The following PAPPA2 variants were observed in gnomAD, a reference collection of about 807,000 sequenced individuals.
PAPPA2 encodes pappalysin-2.
In PAPPA2, 86 loss-of-function variants were observed where a neutral mutation model predicts 176.4. The ratio of observed to expected loss-of-function variants is 0.49; its 90% CI spans 0.41 to 0.58. The LOEUF (loss-of-function observed/expected upper bound fraction) is 0.58, where lower values mean the gene tolerates loss of function less well. Ranked by LOEUF, PAPPA2 falls within the 20% of genes least tolerant of loss-of-function variation. The pLI, the probability that PAPPA2 is intolerant of heterozygous loss-of-function variation, is 0.00. For synonymous variants in PAPPA2, 809 were observed against 852.2 expected, an observed-to-expected ratio of 0.95 and a Z score of 0.88; for missense variants, 2,073 against 2,256.9, an observed-to-expected ratio of 0.92 and a Z score of 1.65.
chr1:176,703,459 C>A (rs1660750465), intron 9 of PAPPA2, among the ~76,000 whole-genome samples: 1 of 152,166 alleles, frequency 6.6e-6, no homozygotes, highest in African/African-American at 2.4e-5. Context: ...CTACATCAAC[C>A]TAACTTTAAT....
intron 2 of PAPPA2, among the ~76,000 whole-genome samples, chr1:176,558,637 T>A (rs1042045359): frequency 4.6e-5 from 7 of 151,962 alleles, no homozygotes; most frequent in African/African-American, 1.4e-4. Flanking sequence ...AGAGAAAGAG[T>A]AGAAGGAAAT....
chr1:176,783,467 C>T (rs1228328640), intron 17 of PAPPA2, among the ~76,000 whole-genome samples: 1 of 152,148 alleles, frequency 6.6e-6, no homozygotes, highest in Non-Finnish European at 1.5e-5. Context: ...GTTTTGATGA[C>T]AAGATCTTTA....
At chr1:176,682,769 C>G (rs1178606708) in intron 4 of PAPPA2, among the ~76,000 whole-genome samples, 1 of 152,008 alleles carries the variant, frequency 6.6e-6, no homozygotes. Context: ...TTTCCTTGCC[C>G]TGACTTGAAG....
intron 1 of PAPPA2, among the ~76,000 whole-genome samples, chr1:176,555,156 G>A (rs1258110474): frequency 6.6e-6 from 1 of 152,172 alleles, no homozygotes; most frequent in African/African-American, 2.4e-5. Flanking sequence ...TGTCCCCTGT[G>A]CCTTGGTGAG....
intron 15 of PAPPA2, 21 bp from the exon 16 acceptor site, chr1:176,769,586 A>G: frequency 1.2e-6 from 2 of 1,611,104 alleles, no homozygotes; most frequent in Non-Finnish European, 1.7e-6. Context: ...ACTTTGACAG[A>G]AGCAATTTCT....
chr1:176,687,947 G>A (rs956903587), intron 4 of PAPPA2, among the ~76,000 whole-genome samples: 47 of 152,142 alleles, frequency 3.1e-4, no homozygotes, highest in Non-Finnish European at 2.9e-5. Flanking sequence ...GGATTTTCAG[G>A]AGGGTAGTAT....
rs761830426 is a variant in PAPPA2 at position 176,739,662 on chromosome 1, T to C, written c.3835T>C (p.Phe1279Leu). The C allele has an allele frequency of 6.2e-7, 1 of 1,613,724 alleles. No homozygotes were observed. Among genetic ancestry groups the C allele is most frequent in the Non-Finnish European group, 8.5e-7 (1 of 1,179,748 alleles). ...TAGACCAGGAGAGGCCAGAGCAATT[T>C]TTATTTTTTTGACAACTGATGGCCT... ...FNRPGEARAI[F>L]IFLTTDGLVP... The change falls in exon 13 of 23, where the codon TTT becomes CTT. Residue 1279 changes from phenylalanine to leucine, a missense_variant. Phe to Leu is a conservative substitution (Grantham distance 22). Transcript: ENST00000367662.
At chr1:176,718,876 T>G (rs547720472) in intron 12 of PAPPA2, among the ~76,000 whole-genome samples, 1 of 152,160 alleles carries the variant, frequency 6.6e-6, no homozygotes, top group Non-Finnish European at 1.5e-5. Context: ...GGATAAAGCA[T>G]TCCATATATT....
intron 12 of PAPPA2, among the ~76,000 whole-genome samples, chr1:176,725,257 A>G (rs1214714886): frequency 6.6e-5 from 10 of 152,206 alleles, no homozygotes; most frequent in Non-Finnish European, 1.5e-4. Flanking sequence ...AACTCTTCTT[A>G]GCTCACAGGC....
At chr1:176,842,304 G>A (rs979042696) in intron 22 of PAPPA2, 76 bp from the exon 23 acceptor site, 1 of 1,361,320 alleles carries the variant, frequency 7.3e-7, no homozygotes, top group Admixed American at 1.8e-5. Context: ...GACCAAGTGA[G>A]GAAAGTGAAA....
intron 1 of PAPPA2, among the ~76,000 whole-genome samples, chr1:176,497,906 CA>C (rs2102503437): frequency 6.6e-6 from 1 of 152,308 alleles, no homozygotes; most frequent in East Asian, 1.9e-4. Flanking sequence ...TTGGGCAGCA[CA>C]GACTAAATAT....
In PAPPA2 at chr1:176,570,620, T is replaced by C. The variant is rs1290563892; in HGVS notation, c.919+13379T>C. On this transcript the variant is annotated intron_variant, in intron 2 of 22. Coordinates refer to ENST00000367662, the MANE Select transcript of PAPPA2 (RefSeq NM_020318.3). The stretch of plus-strand genomic sequence containing the variant: ...TGAAGATAAAAGGGAACTTGGGCAA[T>C]GCTCCCTCCTGGGTGTGGCAGCCTT... 6.6e-5 allele frequency among the ~76,000 whole-genome samples: 10 copies of C among 151,628 alleles called. No individual in the cohort carries two copies. The East Asian group carries it at 2.0e-3, about 30-fold the overall frequency.
intron 3 of PAPPA2, among the ~76,000 whole-genome samples, chr1:176,612,128 T>C (rs1401688730): frequency 1.3e-5 from 2 of 152,134 alleles, no homozygotes; most frequent in East Asian, 3.9e-4. Flanking sequence ...TTGTGGTGGC[T>C]CATGCCTTTA....
Position 176,556,164 on chromosome 1 carries a change from G to A in PAPPA2, c.-159G>A, listed in dbSNP as rs1187578805. On this transcript the variant is annotated 5_prime_UTR_variant, in exon 2 of 23. Transcript: ENST00000367662. Reference sequence around the variant, plus strand: ...GCGGCCAGCACAGGTAGCCAGCAGAGGCATTCTTGGGGCTATTTGAAAAAG... The same window carrying A: ...GCGGCCAGCACAGGTAGCCAGCAGAAGCATTCTTGGGGCTATTTGAAAAAG... The A allele has an allele frequency of 1.2e-6, 1 of 835,228 alleles. No homozygotes were observed. The highest frequency in any genetic ancestry group is 2.5e-5 in the East Asian group (1 of 39,856). 51.7% of individuals were successfully genotyped at this position (835,228 alleles called of 1,614,324 possible).
chr1:176,756,695 T>C (rs1409852409), intron 14 of PAPPA2, among the ~76,000 whole-genome samples: 1 of 152,076 alleles, frequency 6.6e-6, no homozygotes, highest in Non-Finnish European at 1.5e-5. Context: ...AGGGGCCCTG[T>C]AGATAAGACT....
intron 3 of PAPPA2, among the ~76,000 whole-genome samples, chr1:176,641,984 A>G (rs1363482777): frequency 6.6e-6 from 1 of 151,950 alleles, no homozygotes; most frequent in Non-Finnish European, 1.5e-5. Flanking sequence ...TCCATAATCC[A>G]GTTACTACTT....
intron 21 of PAPPA2, among the ~76,000 whole-genome samples, chr1:176,802,396 G>A (rs972930023): frequency 4.6e-5 from 7 of 152,072 alleles, no homozygotes; most frequent in Non-Finnish European, 8.8e-5. Context: ...GACAAGAGAG[G>A]CTGAAACTGG....
chr1:176,828,326 A>G (rs1666937254), intron 21 of PAPPA2, among the ~76,000 whole-genome samples: 1 of 152,202 alleles, frequency 6.6e-6, no homozygotes, highest in Non-Finnish European at 1.5e-5. Context: ...ACACACCTAT[A>G]TAAAACAAAA....
intron 20 of PAPPA2, among the ~76,000 whole-genome samples, chr1:176,794,063 A>G (rs1374178185): frequency 2.0e-5 from 3 of 152,168 alleles, no homozygotes; most frequent in African/African-American, 2.4e-5. Flanking sequence ...AAAAAATTCA[A>G]GTATATCAAG....
Sources: allele counts gnomAD v4.1 joint callset (sites outside exome capture counted in the v4.1 genomes callset), GRCh38; gene constraint gnomAD v4.1.1; transcripts MANE v1.5; gene names NCBI Gene and HGNC (gene_info 2026-07-23, HGNC 2026-07-21).